The following ATXN1 variants were observed in gnomAD, a reference collection of about 807,000 sequenced individuals.
ATXN1 encodes the protein ataxin-1.
A neutral mutation model predicts 56.4 loss-of-function variants in ATXN1; 8 were observed. The observed-to-expected ratio is 0.14, with a 90% CI of 0.08 to 0.26. The LOEUF is 0.26. Ranked by LOEUF, ATXN1 falls within the 10% of genes least tolerant of loss-of-function variation. ATXN1 has a pLI of 1.00. For synonymous variants in ATXN1, 514 were observed against 494.6 expected, an observed-to-expected ratio of 1.04 and a Z score of -0.52; for missense variants, 987 against 1,106.5, an observed-to-expected ratio of 0.89 and a Z score of 1.53.
At chr6:16,361,266 A>T (rs1279312756) in intron 6 of ATXN1, among the ~76,000 whole-genome samples, 2 of 152,210 alleles carry the variant, frequency 1.3e-5, no homozygotes, top group Non-Finnish European at 2.9e-5. Flanking sequence ...GTGAAAGAGA[A>T]AAGAGAGGGA....
chr6:16,494,092 AGTG>A (rs1760725284), intron 5 of ATXN1, among the ~76,000 whole-genome samples: 1 of 11,240 alleles, frequency 8.9e-5, no homozygotes, highest in Non-Finnish European at 1.4e-4. Context: ...AGGCATCTCC[AGTG>A]CAGGGCTGGA....
chr6:16,611,179 C>T (rs1375256072), intron 3 of ATXN1, among the ~76,000 whole-genome samples: 1 of 152,064 alleles, frequency 6.6e-6, no homozygotes, highest in Non-Finnish European at 1.5e-5. Context: ...ATCTATATGT[C>T]TATATCTAAC....
chr6:16,518,344 C>T (rs1402335690), intron 5 of ATXN1, among the ~76,000 whole-genome samples: 1 of 152,228 alleles, frequency 6.6e-6, no homozygotes, highest in Non-Finnish European at 1.5e-5. Flanking sequence ...GTGGCCTATG[C>T]CCCCTCCTTG....
chr6:16,633,319 C>T (rs766997330), intron 3 of ATXN1, among the ~76,000 whole-genome samples: 2 of 152,052 alleles, frequency 1.3e-5, no homozygotes, highest in Non-Finnish European at 2.9e-5. Context: ...TTAATTAATT[C>T]GGCAAACAAG....
In ATXN1 at chr6:16,760,362, T is replaced by G. The variant is rs1322397164; in HGVS notation, c.-730+936A>C. 4.0e-5 allele frequency among the ~76,000 whole-genome samples: 6 copies of G among 151,390 alleles called. No homozygotes were observed. Among genetic ancestry groups the G allele is most frequent in the African/African-American group, 1.2e-4 (5 of 41,236 alleles). On this transcript the variant is annotated intron_variant, in intron 1 of 7. Transcript: ENST00000436367. The surrounding 1 kb of genome is among the most constrained non-coding windows in gnomAD (Gnocchi z 5.3). ...GCGGCTCCTCGTCTCCTGCCGCGGGTGCTGGCGGGGGCGCCGGCCCGGACT... is the reference window on the plus strand; with the variant it reads ...GCGGCTCCTCGTCTCCTGCCGCGGGGGCTGGCGGGGGCGCCGGCCCGGACT...
intron 4 of ATXN1, among the ~76,000 whole-genome samples, chr6:16,549,003 A>G (rs950295132): frequency 8.5e-5 from 13 of 152,198 alleles, no homozygotes; most frequent in Non-Finnish European, 1.3e-4. Flanking sequence ...ATACAGGGTC[A>G]GGATCATTCA....
intron 5 of ATXN1, among the ~76,000 whole-genome samples, chr6:16,508,936 A>T (rs1032951574): frequency 2.0e-5 from 3 of 152,184 alleles, no homozygotes; most frequent in African/African-American, 7.2e-5. Flanking sequence ...CATCAGCCTT[A>T]AAAAAAGAAA....
intron 2 of ATXN1, among the ~76,000 whole-genome samples, chr6:16,732,910 A>T (rs1760023255): frequency 6.6e-6 from 1 of 152,226 alleles, no homozygotes; most frequent in South Asian, 2.1e-4. Flanking sequence ...ACTGCATTAA[A>T]TTGCCACCTC....
chr6:16,391,979 C>T (rs1758363176), intron 6 of ATXN1, among the ~76,000 whole-genome samples: 1 of 152,152 alleles, frequency 6.6e-6, no homozygotes, highest in African/African-American at 2.4e-5. Flanking sequence ...GTCAGGTTAC[C>T]AGGATCAGTG....
chr6:16,567,978 AAC>A (rs1427488394), intron 4 of ATXN1, among the ~76,000 whole-genome samples: 4 of 152,178 alleles, frequency 2.6e-5, no homozygotes, highest in East Asian at 1.9e-4. Context: ...ATATGTGTAG[AAC>A]ACACACACAA....
At chr6:16,412,402 C>T (rs1581744979) in intron 6 of ATXN1, among the ~76,000 whole-genome samples, 1 of 152,136 alleles carries the variant, frequency 6.6e-6, no homozygotes, top group East Asian at 1.9e-4. Flanking sequence ...ATCTCAGAGG[C>T]CCATTAAAGC....
At chr6:16,540,979 G>T (rs1459109353) in intron 4 of ATXN1, among the ~76,000 whole-genome samples, 2 of 152,164 alleles carry the variant, frequency 1.3e-5, no homozygotes, top group Non-Finnish European at 2.9e-5. Context: ...AAAATCAAAT[G>T]ACTTGTCTAA....
At chr6:16,707,277 G>A (rs985494977) in intron 2 of ATXN1, among the ~76,000 whole-genome samples, 2 of 152,116 alleles carry the variant, frequency 1.3e-5, no homozygotes, top group Non-Finnish European at 2.9e-5. Flanking sequence ...CATGCAAATG[G>A]AATTTGGGAG....
intron 2 of ATXN1, among the ~76,000 whole-genome samples, chr6:16,734,943 CT>C (rs1347830784): frequency 6.6e-6 from 1 of 152,030 alleles, no homozygotes; most frequent in African/African-American, 2.4e-5. Flanking sequence ...TCACTGAACC[CT>C]TATTTTTTAT....
intron 2 of ATXN1, among the ~76,000 whole-genome samples, chr6:16,687,459 G>A: frequency 6.6e-6 from 1 of 152,014 alleles, no homozygotes; most frequent in Non-Finnish European, 1.5e-5. Flanking sequence ...ATTTTTGGGG[G>A]CTAGTCTGAC....
rs180918759 is a variant in ATXN1 at position 16,344,717 on chromosome 6, T to C, written c.-160-16247A>G. 9.4e-3 allele frequency among the ~76,000 whole-genome samples: 1,431 copies of C among 152,342 alleles called. 14 individuals are homozygous for C. The highest frequency in any genetic ancestry group is 0.016 in the Non-Finnish European group (1,071 of 68,024). ...CAGACTGGTCAACCACTGGCTTCCT[T>C]GCTCCTCAGCTTGCAGGTGGCCTAT... On this transcript the variant is annotated intron_variant, in intron 6 of 7. Transcript: ENST00000436367.
intron 3 of ATXN1, among the ~76,000 whole-genome samples, chr6:16,595,322 C>T (rs927572476): frequency 6.6e-6 from 1 of 152,204 alleles, no homozygotes; most frequent in African/African-American, 2.4e-5. Context: ...CCTAAGACTC[C>T]CAAACCTTTG....
At chr6:16,349,910 C>T (rs939891934) in intron 6 of ATXN1, among the ~76,000 whole-genome samples, 12 of 152,226 alleles carry the variant, frequency 7.9e-5, no homozygotes, top group South Asian at 2.1e-4. Flanking sequence ...CTTATTTGAA[C>T]GCAGAACACA....
At chr6:16,513,285 T>C (rs535632564) in intron 5 of ATXN1, among the ~76,000 whole-genome samples, 2 of 152,332 alleles carry the variant, frequency 1.3e-5, no homozygotes, top group South Asian at 4.1e-4. Context: ...CCAAGATTCT[T>C]TGGTTAGCTG....
Sources: gnomAD v4.1 joint callset for allele counts (sites outside exome capture counted in the v4.1 genomes callset) on GRCh38, gnomAD v4.1.1 for gene constraint, Gnocchi (gnomAD v3.1) non-coding constraint, MANE v1.5 for transcripts, NCBI Gene and HGNC (gene_info 2026-07-23, HGNC 2026-07-21) for gene names.